Variants in CDK11A observed in about 807,000 individuals in gnomAD.
CDK11A encodes the protein cyclin dependent kinase 11A.
In CDK11A, 55 loss-of-function variants were observed where a neutral mutation model predicts 83.6. That is an observed-to-expected ratio of 0.66 (90% confidence interval 0.53 to 0.82). The LOEUF is 0.82. Ranked by LOEUF, CDK11A falls within the 40% of genes least tolerant of loss-of-function variation. CDK11A has a pLI of 0.00. For missense variants in CDK11A, 564 were observed against 810.1 expected (o/e 0.70, Z 3.69); for synonymous variants, 247 against 302.7 (o/e 0.82, Z 1.91).
In CDK11A at chr1:1,706,680, G is replaced by C. The variant is rs147947568; in HGVS notation, c.1245+729C>G. On this transcript the variant is annotated intron_variant, in intron 11 of 19. Coordinates refer to ENST00000404249, the MANE Select transcript of CDK11A (RefSeq NM_024011.4). ...CCCCATGCCAGGGCACCTACCCCTC[G>C]GTGTACCTTGGGGCCGGTGCCCAGG... is the stretch of plus-strand genomic sequence containing the variant. Among the ~76,000 whole-genome samples the C allele has an allele frequency of 8.8e-3, 1,328 of 151,428 alleles. 49 individuals carry two copies. Among genetic ancestry groups the C allele is most frequent in the African/African-American group, 0.027 (1,123 of 41,296 alleles).
intron 1 of CDK11A, 189 bp downstream of exon 1, chr1:1,724,069 C>G (rs2101391019): frequency 6.8e-6 from 1 of 147,020 alleles, no homozygotes; most frequent in East Asian, 2.0e-4. Context: ...GACGTTGGCT[C>G]CAGACAGCGT....
chr1:1,719,180 C>T, intron 4 of CDK11A, 148 bp downstream of exon 4: 1 of 637,944 alleles, frequency 1.6e-6, no homozygotes, highest in Non-Finnish European at 2.4e-6. Context: ...CTCTATAGCC[C>T]TTCTGAACGG....
chr1:1,704,384 C>G lies in CDK11A; in HGVS notation c.1565-40G>C, dbSNP rs547789759. 86 of 1,603,618 alleles carry G rather than the reference C, an allele frequency of 5.4e-5. No homozygotes were observed. In the South Asian group the frequency reaches 9.3e-4, roughly 17 times the overall value. On this transcript the variant is annotated intron_variant, in intron 14 of 19. Coordinates refer to ENST00000404249, the MANE Select transcript of CDK11A (RefSeq NM_024011.4). ...GGCTCCCATGTGGACCCGGCCGCCC[C>G]AAGCCCAGGGCACTCAGGGTGGCCC...
At chr1:1,716,990 A>C (rs1172723297) in intron 4 of CDK11A, among the ~76,000 whole-genome samples, 1 of 146,712 alleles carries the variant, frequency 6.8e-6, no homozygotes, top group East Asian at 2.0e-4. Flanking sequence ...TCCTGGGCTC[A>C]AGTGATCCTC....
At chr1:1,721,939 C>T in intron 2 of CDK11A, 1 of 456,676 alleles carries the variant, frequency 2.2e-6, no homozygotes, top group Non-Finnish European at 3.9e-6. Flanking sequence ...ATCACGAGGT[C>T]AGGACATTAA....
Position 1,716,491 on chromosome 1 carries a change from AAAGT to A in CDK11A, c.356-17_356-14del, listed in dbSNP as rs750982385. The A allele has an allele frequency of 1.2e-6, 2 of 1,605,424 alleles. No individual in the cohort carries two copies. Among genetic ancestry groups the A allele is most frequent in the Non-Finnish European group, 1.7e-6 (2 of 1,174,734 alleles). On this transcript the variant is annotated splice_polypyrimidine_tract_variant and intron_variant, in intron 4 of 19. Coordinates refer to ENST00000404249, the MANE Select transcript of CDK11A (RefSeq NM_024011.4). ...CTAGCATGCTTCCCTAATGAGAAAT[AAAGT>A]GTCATGCAAAGAAACCTCACTTCAA... is the stretch of plus-strand genomic sequence containing the variant.
At chr1:1,719,854 A>G (rs968612515) in intron 3 of CDK11A, among the ~76,000 whole-genome samples, 1 of 150,778 alleles carries the variant, frequency 6.6e-6, no homozygotes, top group African/African-American at 2.4e-5. Context: ...TAACCTGGTG[A>G]TCTGCCTGCC....
At chr1:1,719,846 A>T (rs1570434753) in intron 3 of CDK11A, among the ~76,000 whole-genome samples, 1 of 150,480 alleles carries the variant, frequency 6.6e-6, no homozygotes, top group African/African-American at 2.4e-5. Context: ...CAATCTCCTA[A>T]CCTGGTGATC....
At position 1,703,498 on chromosome 1, in the gene CDK11A, G is replaced by A; in HGVS notation, c.2038C>T (p.Gln680Ter). 3.3e-6 allele frequency: 5 copies of A among 1,536,820 alleles called. No individual in the cohort carries two copies. Among genetic ancestry groups the A allele is most frequent in the Non-Finnish European group, 4.3e-6 (5 of 1,150,916 alleles). Reference sequence around the variant, plus strand: ...CACTTGTTCATGAGGTCGAAGCCCTGGTCTGAGAGCAGAGCCCCGAAGCGC... The same window carrying A: ...CACTTGTTCATGAGGTCGAAGCCCTAGTCTGAGAGCAGAGCCCCGAAGCGC... ...RKRFGALLSD[Q>*]GFDLMNKFLT... Residue 680 changes from glutamine to a stop codon, truncating the protein, a stop_gained, in exon 18 of 20, where the codon CAG (glutamine) becomes TAG (stop). Transcript: ENST00000404249. LOFTEE classifies it high-confidence loss of function.
intron 14 of CDK11A, 52 bp from the exon 15 acceptor site, chr1:1,704,396 A>G: frequency 6.2e-7 from 1 of 1,600,026 alleles, no homozygotes; most frequent in Non-Finnish European, 8.5e-7. Context: ...AGCCCAGGGC[A>G]CTCAGGGTGG....
Position 1,704,923 on chromosome 1 carries a change from G to A in CDK11A, c.1439C>T (p.Pro480Leu). The change falls in exon 13 of 20, where the codon CCC (proline) becomes CTC (leucine). Residue 480 changes from proline (P) to leucine (L), a missense_variant. Pro to Leu is a moderately conservative substitution (Grantham distance 98). Transcript: ENST00000404249. Reference protein sequence around the residue: ...EINTILKAQHPNIVTVREIVV... With the variant: ...EINTILKAQHLNIVTVREIVV... ...GCTCACTCTAACGGTGACAATGTTG[G>A]GATGCTGGGCCTTGAGGATGGTGTT... 6.3e-7 allele frequency: 1 copy of A among 1,594,562 alleles called. No individual in the cohort carries two copies. The highest frequency in any genetic ancestry group is 8.5e-7 in the Non-Finnish European group (1 of 1,172,396).
Position 1,715,913 on chromosome 1 carries a change from T to C in CDK11A, c.488+433A>G. ...CCAGTGTCCCGATTTCCAGACTGTT[T>C]CAAGGTTTTTGGGATCTCCCTTCTC... On this transcript the variant is annotated intron_variant, in intron 5 of 19. Transcript: ENST00000404249. Among the ~76,000 whole-genome samples, 2 of 150,928 alleles carry C rather than the reference T, an allele frequency of 1.3e-5. 1 individual carries two copies. The highest frequency in any genetic ancestry group is 3.0e-5 in the Non-Finnish European group (2 of 67,644).
intron 13 of CDK11A, 62 bp downstream of exon 13, chr1:1,704,842 A>G (rs1361171529): frequency 6.2e-7 from 1 of 1,607,346 alleles, no homozygotes; most frequent in African/African-American, 1.3e-5. Context: ...GCCCCAGGAC[A>G]GCACGGGGCC....
chr1:1,720,253 C>A (rs1413954058), intron 3 of CDK11A, among the ~76,000 whole-genome samples: 1 of 150,260 alleles, frequency 6.7e-6, no homozygotes, highest in East Asian at 2.0e-4. Flanking sequence ...CACCACCACG[C>A]CCGGCTAATT....
chr1:1,707,315 C>T (rs1644353301), intron 11 of CDK11A, 94 bp downstream of exon 11: 6 of 1,299,192 alleles, frequency 4.6e-6, no homozygotes, highest in Middle Eastern at 5.6e-4. Flanking sequence ...TGTGAGGCGA[C>T]AGACGCCAAC....
At chr1:1,705,582 C>T in intron 12 of CDK11A, 60 bp downstream of exon 12, 10 of 478,946 alleles carry the variant, frequency 2.1e-5, no homozygotes, top group South Asian at 4.4e-5. Flanking sequence ...TCGCAGCTCT[C>T]GGGCAGCCAG....
chr1:1,707,096 T>C lies in CDK11A; in HGVS notation c.1245+313A>G, dbSNP rs989631169. The stretch of plus-strand genomic sequence containing the variant: ...CACGCAGGGGTCAAGTGGAAGGCAC[T>C]GCTCTCCAGTGCGGAGGAGGACGCA... On this transcript the variant is annotated intron_variant, in intron 11 of 19. Transcript: ENST00000404249. Among the ~76,000 whole-genome samples the C allele has an allele frequency of 2.8e-5, 4 of 143,446 alleles. 1 individual carries two copies. The highest frequency in any genetic ancestry group is 6.0e-5 in the Non-Finnish European group (4 of 66,560). The allele number at this position is 143,446 out of a possible 152,430, so 94.1% of individuals were successfully genotyped here. A position where few individuals can be genotyped will look rare whatever the true frequency, so the allele number is the denominator to read the frequency against.
At chr1:1,720,687 G>A (rs1369453590) in intron 3 of CDK11A, among the ~76,000 whole-genome samples, 2 of 91,590 alleles carry the variant, frequency 2.2e-5, no homozygotes, top group Non-Finnish European at 5.5e-5. Context: ...ATGAGCCATC[G>A]CACCCGGACT....
rs1358505878 is a variant in CDK11A at position 1,721,259 on chromosome 1, C to T, written c.227+337G>A. On this transcript the variant is annotated intron_variant, in intron 3 of 19. Coordinates refer to ENST00000404249, the MANE Select transcript of CDK11A (RefSeq NM_024011.4). The stretch of plus-strand genomic sequence containing the variant: ...CACACTGAGCACACTGTCACAGTAA[C>T]CCTAGGAAAGAGTAAACCTTAATAG... Among the ~76,000 whole-genome samples, 3 of 150,586 alleles carry T rather than the reference C, an allele frequency of 2.0e-5. 1 individual carries two copies. Among genetic ancestry groups the T allele is most frequent in the Non-Finnish European group, 4.4e-5 (3 of 67,608 alleles).
Sources: allele counts gnomAD v4.1 joint callset (sites outside exome capture counted in the v4.1 genomes callset), GRCh38; gene constraint gnomAD v4.1.1; transcripts MANE v1.5; gene names NCBI Gene and HGNC (gene_info 2026-07-23, HGNC 2026-07-21).